The following SHC1 variants were observed in gnomAD, a reference collection of about 807,000 sequenced individuals.
SHC1 encodes the protein SHC-transforming protein 1.
In SHC1, 30 loss-of-function variants were observed where a neutral mutation model predicts 55.9. The observed-to-expected ratio is 0.54, with a 90% CI of 0.40 to 0.73. SHC1 has a LOEUF of 0.73. Among genes scored for constraint, SHC1 ranks in the 30% least tolerant of loss-of-function variants. The pLI is 0.00. For synonymous variants in SHC1, 309 were observed against 306.1 expected (o/e 1.01, Z -0.10); for missense variants, 675 against 777.1 (o/e 0.87, Z 1.56).
chr1:154,973,543 AGGAAAAC>A (rs1201745573), upstream of SHC1: 3 of 150,038 alleles, frequency 2.0e-5, no homozygotes, highest in African/African-American at 7.3e-5. Context: ...AAAGATAGAA[AGGAAAAC>A]GGAAAACGGC....
Position 154,966,421 on chromosome 1 carries a change from C to T in SHC1, c.1080G>A (p.Leu360=). ...GAAGCCTCATGTCTACCACCCCCCC[C>T]AAGGGGGGTTCCTTCCCCGGGAAGT... ...YNDFPGKEPP[L]GGVVDMRLRE... is the part of the protein sequence containing the mutation. Residue 360 remains leucine (L), a synonymous_variant, in exon 8 of 12, where the codon TTG becomes TTA. Coordinates refer to ENST00000448116, the MANE Select transcript of SHC1 (RefSeq NM_001130040.2). The T allele has an allele frequency of 6.2e-7, 1 of 1,613,260 alleles. No homozygotes were observed. The highest frequency in any genetic ancestry group is 8.5e-7 in the Non-Finnish European group (1 of 1,179,378).
At chr1:154,969,607 C>T (rs1320173372) in intron 1 of SHC1, among the ~76,000 whole-genome samples, 159 bp from the exon 2 acceptor site, 2 of 152,134 alleles carry the variant, frequency 1.3e-5, no homozygotes, top group African/African-American at 4.8e-5. Context: ...AGGTGAAAGA[C>T]AACAGGGAAT....
upstream of SHC1, among the ~76,000 whole-genome samples, chr1:154,971,038 G>A (rs1269445748): frequency 1.3e-5 from 2 of 152,104 alleles, no homozygotes; most frequent in South Asian, 2.1e-4. Flanking sequence ...ACTCAAAACC[G>A]GACACACGCA....
upstream of SHC1, among the ~76,000 whole-genome samples, chr1:154,973,818 G>C (rs1413976332): frequency 6.6e-6 from 1 of 152,188 alleles, no homozygotes; most frequent in Non-Finnish European, 1.5e-5. Flanking sequence ...TTTCTGGACA[G>C]TCAGACGTGG....
At chr1:154,964,606 C>T (rs1655711029) in intron 11 of SHC1, among the ~76,000 whole-genome samples, 1 of 152,188 alleles carries the variant, frequency 6.6e-6, no homozygotes, top group South Asian at 2.1e-4. Context: ...GCCTCAGCCT[C>T]CTGGGTAGGT....
upstream of SHC1, among the ~76,000 whole-genome samples, chr1:154,971,658 C>T (rs943712786): frequency 1.3e-5 from 2 of 152,232 alleles, no homozygotes; most frequent in Non-Finnish European, 2.9e-5. Context: ...CACCAAAGAG[C>T]ACAGCATCCT....
chr1:154,965,143 TCTC>T (rs1427994052), intron 11 of SHC1: 6 of 153,040 alleles, frequency 3.9e-5, no homozygotes, highest in African/African-American at 7.3e-5. Context: ...TTCAAGCAAT[TCTC>T]CTGCCTCAGC....
chr1:154,969,191 G>A (rs1234678855), intron 2 of SHC1, among the ~76,000 whole-genome samples, 187 bp downstream of exon 2: 2 of 152,178 alleles, frequency 1.3e-5, no homozygotes, highest in Non-Finnish European at 2.9e-5. Flanking sequence ...GATAGGTAAG[G>A]AGGATCCGGG....
Position 154,965,947 on chromosome 1 carries a change from C to T in SHC1, c.1386G>A (p.Met462Ile). The T allele has an allele frequency of 6.2e-7, 1 of 1,609,176 alleles. No individual in the cohort carries two copies. The highest frequency in any genetic ancestry group is 1.1e-5 in the South Asian group (1 of 90,754). Reference protein sequence around the residue: ...NGSAPRDLFDMKPFEDALRVP... With the variant: ...NGSAPRDLFDIKPFEDALRVP... Reference sequence around the variant, plus strand: ...GAGAGGAGAGAGACGAGCACTCACTCATGTCAAACAGGTCCCGGGGTGCAC... The same window carrying T: ...GAGAGGAGAGAGACGAGCACTCACTTATGTCAAACAGGTCCCGGGGTGCAC... The change falls in exon 10 of 12, where the codon ATG becomes ATA. Residue 462 changes from methionine to isoleucine, a missense_variant and splice_region_variant. Physicochemically the swap from Met to Ile is conservative, Grantham distance 10. This residue lies in a region of SHC1 where 360 missense variants were observed against 371.1 expected (regional missense o/e 0.97). Coordinates refer to ENST00000448116, the MANE Select transcript of SHC1 (RefSeq NM_001130040.2).
In SHC1 at chr1:154,970,117, T is replaced by C; in HGVS notation, c.410A>G (p.His137Arg). The C allele has an allele frequency of 6.2e-7, 1 of 1,613,528 alleles. No individual in the cohort carries two copies. Among genetic ancestry groups the C allele is most frequent in the Non-Finnish European group, 8.5e-7 (1 of 1,179,932 alleles). The change falls in exon 1 of 12, where the codon CAC (histidine) becomes CGC (arginine). Residue 137 changes from histidine (H) to arginine (R), a missense_variant. His to Arg is a conservative substitution (Grantham distance 29). This residue lies in a region of SHC1 where 159 missense variants were observed against 246.9 expected (regional missense o/e 0.64). Transcript: ENST00000448116. The surrounding 1 kb of genome is among the most constrained non-coding windows in gnomAD (Gnocchi z 5.5). ...GQLGGEEWTRHGSFVNKPTRG... is the reference protein window; with the variant it reads ...GQLGGEEWTRRGSFVNKPTRG... ...CGTGGGCTTATTGACAAAGCTCCCG[T>C]GGCGGGTCCACTCCTCGCCCCCAAG...
chr1:154,963,847 C>T lies in SHC1; in HGVS notation c.1711G>A (p.Gly571Ser). ...GGTTGCTGTAGACACAGTTCGCTGC[C>T]CGCAGAGATGATGGGCAAGTGATTG... ...MDNHLPIISAGSELCLQQPVE... is the reference protein window; with the variant it reads ...MDNHLPIISASSELCLQQPVE... Residue 571 changes from glycine to serine, a missense_variant, in exon 12 of 12, where the codon GGC becomes AGC. By Grantham distance (56) the Gly-to-Ser change is moderately conservative. Around this residue, in one of 3 missense-constraint regions of SHC1, gnomAD observed 360 missense variants for 371.1 expected, o/e 0.97. Transcript: ENST00000448116. 6.2e-7 allele frequency: 1 copy of T among 1,614,166 alleles called. No individual in the cohort carries two copies. Among genetic ancestry groups the T allele is most frequent in the Admixed American group, 1.7e-5 (1 of 60,030 alleles).
chr1:154,968,149 C>A, intron 5 of SHC1, 55 bp downstream of exon 5: 1 of 1,595,108 alleles, frequency 6.3e-7, no homozygotes, highest in South Asian at 1.1e-5. Context: ...AATGTCTTCC[C>A]AATCCCTAGC....
Position 154,963,602 on chromosome 1 carries a change from G to T in SHC1, c.*201C>A. 1.8e-6 allele frequency: 1 copy of T among 569,398 alleles called. No individual in the cohort carries two copies. The highest frequency in any genetic ancestry group is 3.1e-6 in the Non-Finnish European group (1 of 320,442). 35.3% of individuals were successfully genotyped at this position (569,398 alleles called of 1,614,324 possible). On this transcript the variant is annotated 3_prime_UTR_variant, in exon 12 of 12. Transcript: ENST00000448116. ...GTACATTAATACTTTGGTGATTAAT[G>T]TTTGGGGAGAGGCAGGATTCTCACC...
Position 154,963,701 on chromosome 1 carries a change from C to A in SHC1, c.*102G>T. On this transcript the variant is annotated 3_prime_UTR_variant, in exon 12 of 12. Transcript: ENST00000448116. The stretch of plus-strand genomic sequence containing the variant: ...GTCCATGCTACTCCCAGCTCTGACA[C>A]AAGGCCAAGCCCACAGAACACTCCC... 7 of 1,331,988 alleles carry A rather than the reference C, an allele frequency of 5.3e-6. No individual in the cohort carries two copies. Among genetic ancestry groups the A allele is most frequent in the Non-Finnish European group, 7.3e-6 (7 of 954,806 alleles). 82.5% of individuals were successfully genotyped at this position (1,331,988 alleles called of 1,614,324 possible).
rs756078746 is a variant in SHC1, at chr1:154,966,467, G to A, written c.1034C>T (p.Pro345Leu). The stretch of plus-strand genomic sequence containing the variant: ...GAAGTCATTATAGTACTGATGGTCA[G>A]GTGGCTCTTCCTCCTCCTCATCCCA... ...SAWDEEEEEP[P>L]DHQYYNDFPG... is the part of the protein sequence containing the mutation. Residue 345 changes from proline (P) to leucine (L), a missense_variant, in exon 8 of 12, where the codon CCT (proline) becomes CTT (leucine). By Grantham distance (98) the Pro-to-Leu change is moderately conservative (BLOSUM62 -3). This residue lies in a region of SHC1 where 360 missense variants were observed against 371.1 expected (regional missense o/e 0.97). Coordinates refer to ENST00000448116, the MANE Select transcript of SHC1 (RefSeq NM_001130040.2). The A allele has an allele frequency of 1.2e-6, 2 of 1,611,098 alleles. No homozygotes were observed. Among genetic ancestry groups the A allele is most frequent in the South Asian group, 1.1e-5 (1 of 90,534 alleles).
intron 7 of SHC1, among the ~76,000 whole-genome samples, chr1:154,966,953 C>T (rs750501451): frequency 3.9e-5 from 6 of 152,114 alleles, no homozygotes; most frequent in Non-Finnish European, 5.9e-5. Context: ...AATAAAAATA[C>T]TACTACTCAG....
Position 154,965,708 on chromosome 1 carries a change from C to A in SHC1, c.1461G>T (p.Glu487Asp). 1 of 1,614,192 alleles carries A rather than the reference C, an allele frequency of 6.2e-7. No homozygotes were observed. Residue 487 changes from glutamate to aspartate, a missense_variant, in exon 11 of 12, where the codon GAG (glutamate) becomes GAT (aspartate). Around this residue, in one of 3 missense-constraint regions of SHC1, gnomAD observed 360 missense variants for 371.1 expected, o/e 0.97. Coordinates refer to ENST00000448116, the MANE Select transcript of SHC1 (RefSeq NM_001130040.2). ...GGCTCAGCTTCCCATGGAACCAGGGCTCCCCTCGGAGCTGCTCAGCCATGG... is the reference window on the plus strand; with the variant it reads ...GGCTCAGCTTCCCATGGAACCAGGGATCCCCTCGGAGCTGCTCAGCCATGG... ...SVSMAEQLRG[E>D]PWFHGKLSRR...
In SHC1 at chr1:154,962,555, CCT is replaced by C. The variant is rs1655451978; in HGVS notation, c.*1246_*1247del. ...TGACAGGCATTCGGGCTGACTTCTG[CCT>C]CTCAGTCTCGCGGTAAGAGACCCAA... On this transcript the variant is annotated 3_prime_UTR_variant, in exon 12 of 12. Coordinates refer to ENST00000448116, the MANE Select transcript of SHC1 (RefSeq NM_001130040.2). 3 of 152,360 alleles carry C rather than the reference CCT, an allele frequency of 2.0e-5. No homozygotes were observed. The highest frequency in any genetic ancestry group is 4.8e-5 in the African/African-American group (2 of 41,416). 9.4% of individuals were successfully genotyped at this position (152,360 alleles called of 1,614,324 possible). A position where few individuals can be genotyped will look rare whatever the true frequency, so the allele number is the denominator to read the frequency against.
rs561412532 is a variant in SHC1, at chr1:154,970,170, C to T, written c.357G>A (p.Gly119=). 1.0e-4 allele frequency: 169 copies of T among 1,613,606 alleles called. No individual in the cohort carries two copies. The South Asian group carries it at 1.2e-3, about 12-fold the overall frequency. Residue 119 remains glycine (G), a synonymous_variant, in exon 1 of 12, where the codon GGG becomes GGA. Coordinates refer to ENST00000448116, the MANE Select transcript of SHC1 (RefSeq NM_001130040.2). This position sits in a 1 kb window ranked among gnomAD's most constrained non-coding sequence, Gnocchi z 5.5. ...GGCCCCCTTCCACCCGAGTCCTGCG[C>T]CCGCCGCCTCCACTCAGCTTGTTCA... ...QDMNKLSGGG[G]RRTRVEGGQL...
Sources: allele counts gnomAD v4.1 joint callset (sites outside exome capture counted in the v4.1 genomes callset), GRCh38; gene constraint gnomAD v4.1.1; regional missense constraint gnomAD v4.1.1; non-coding constraint Gnocchi (gnomAD v3.1); transcripts MANE v1.5; gene names NCBI Gene and HGNC (gene_info 2026-07-23, HGNC 2026-07-21).